Variants in STAG1 observed in about 807,000 individuals in gnomAD.
The protein encoded by STAG1 is cohesin subunit SA-1.
Under a neutral mutation model 170.9 loss-of-function variants are expected in STAG1, and 26 were observed. That is an observed-to-expected ratio of 0.15 (90% CI 0.11 to 0.21). STAG1 has a LOEUF of 0.21. Among genes scored for constraint, STAG1 ranks in the 10% least tolerant of loss-of-function variants. STAG1 has a pLI of 1.00. For missense variants in STAG1, 964 were observed against 1,509.5 expected, an observed-to-expected ratio of 0.64 and a Z score of 5.99; for synonymous variants, 514 against 497.7, an observed-to-expected ratio of 1.03 and a Z score of -0.44.
At chr3:136,608,771 T>C (rs1576662295) in intron 3 of STAG1, among the ~76,000 whole-genome samples, 1 of 129,358 alleles carries the variant, frequency 7.7e-6, no homozygotes, top group South Asian at 2.4e-4. Flanking sequence ...AGCACTGTAC[T>C]CCTGAATGAC....
chr3:136,367,245 G>C (rs1937109826), intron 24 of STAG1, among the ~76,000 whole-genome samples, 163 bp from the exon 25 acceptor site: 1 of 152,106 alleles, frequency 6.6e-6, no homozygotes. Flanking sequence ...ATTTTAGGGT[G>C]CTGTATTTAG....
At chr3:136,638,779 G>A (rs1361192746) in intron 1 of STAG1, among the ~76,000 whole-genome samples, 4 of 152,124 alleles carry the variant, frequency 2.6e-5, no homozygotes, top group South Asian at 2.1e-4. Flanking sequence ...GCATGCGCCC[G>A]TAATCCTAAC....
At chr3:136,368,971 G>A in intron 24 of STAG1, 137 bp downstream of exon 24, 3 of 661,644 alleles carry the variant, frequency 4.5e-6, no homozygotes, top group Non-Finnish European at 6.9e-6. Flanking sequence ...GATTACTGGT[G>A]TCAGCCACTG....
intron 4 of STAG1, chr3:136,586,687 C>G (rs57681357): frequency 0.13 from 38,506 of 295,844 alleles, 4,595 homozygotes; most frequent in African/African-American, 0.4. Flanking sequence ...TAAACAAAAG[C>G]AAAATATTTA....
intron 4 of STAG1, among the ~76,000 whole-genome samples, chr3:136,587,963 CA>C (rs879515650): frequency 6.6e-6 from 1 of 151,054 alleles, no homozygotes; most frequent in Non-Finnish European, 1.5e-5. Context: ...AAGTTTATCT[CA>C]AAAAAAACAA....
chr3:136,564,913 T>G (rs1213953841), intron 5 of STAG1, among the ~76,000 whole-genome samples: 2 of 149,470 alleles, frequency 1.3e-5, no homozygotes, highest in South Asian at 2.1e-4. Context: ...TAGAGGTAAA[T>G]CTTCATGACC....
At chr3:136,477,530 A>C (rs1328208101) in intron 9 of STAG1, 118 bp from the exon 10 acceptor site, 2 of 867,928 alleles carry the variant, frequency 2.3e-6, no homozygotes. Context: ...TGCATTCTGA[A>C]TGGCCTCCAA....
chr3:136,420,395 GC>G (rs1208035589), intron 20 of STAG1, among the ~76,000 whole-genome samples: 1 of 151,962 alleles, frequency 6.6e-6, no homozygotes, highest in Non-Finnish European at 1.5e-5. Context: ...GATAGGGTCT[GC>G]CTATTGCCCA....
chr3:136,343,219 T>C (rs1403985002), intron 30 of STAG1, among the ~76,000 whole-genome samples: 2 of 152,222 alleles, frequency 1.3e-5, no homozygotes, highest in African/African-American at 4.8e-5. Context: ...AATAAGATTT[T>C]TATAAGCAAA....
intron 1 of STAG1, among the ~76,000 whole-genome samples, chr3:136,741,290 G>A (rs574319784): frequency 6.4e-4 from 98 of 152,306 alleles, no homozygotes; most frequent in African/African-American, 2.0e-3. Context: ...ACAGTGCATC[G>A]TTCTTCATCT....
chr3:136,542,494 T>C (rs1576588265), intron 5 of STAG1, among the ~76,000 whole-genome samples: 1 of 152,076 alleles, frequency 6.6e-6, no homozygotes, highest in South Asian at 2.1e-4. Context: ...AAATTGCTGA[T>C]AAAAGTATAT....
intron 29 of STAG1, among the ~76,000 whole-genome samples, chr3:136,346,065 T>TCTA (rs1336617217): frequency 9.2e-5 from 14 of 152,258 alleles, no homozygotes; most frequent in Admixed American, 3.9e-4. Context: ...CTGTCAGCTG[T>TCTA]CTACTACATG....
intron 4 of STAG1, among the ~76,000 whole-genome samples, chr3:136,590,999 T>G (rs1057297474): frequency 2.0e-5 from 3 of 151,680 alleles, no homozygotes; most frequent in Non-Finnish European, 4.4e-5. Flanking sequence ...GTTTTGTTTT[T>G]TTTTGCATAA....
Position 136,736,589 on chromosome 3 carries a change from G to C in STAG1, c.-84+15606C>G, listed in dbSNP as rs1029576522. On this transcript the variant is annotated intron_variant, in intron 1 of 33. Transcript: ENST00000383202. ...TTGTATTGGCTTGGAAGTTTCGCCA[G>C]CTGTCCACACAACCATCTCGACTTT... 1.9e-5 allele frequency: 30 copies of C among 1,552,164 alleles called. No individual in the cohort carries two copies. The East Asian group carries it at 4.3e-4, about 22-fold the overall frequency.
chr3:136,465,766 G>C (rs2089437467), intron 12 of STAG1, among the ~76,000 whole-genome samples: 1 of 151,864 alleles, frequency 6.6e-6, no homozygotes, highest in African/African-American at 2.4e-5. Context: ...CAATAACCAA[G>C]CAGAAAATAC....
intron 5 of STAG1, among the ~76,000 whole-genome samples, chr3:136,555,263 G>A (rs1481809650): frequency 6.6e-6 from 1 of 151,768 alleles, no homozygotes; most frequent in Non-Finnish European, 1.5e-5. Context: ...TGTAGTCCTA[G>A]CTACCTGGGA....
intron 1 of STAG1, among the ~76,000 whole-genome samples, chr3:136,724,718 G>T (rs1933560795): frequency 3.3e-5 from 5 of 152,042 alleles, no homozygotes. Context: ...AAGTCAGAAA[G>T]ATGAAGTGAT....
chr3:136,486,646 G>A (rs1341851005), intron 9 of STAG1, among the ~76,000 whole-genome samples: 1 of 152,080 alleles, frequency 6.6e-6, no homozygotes, highest in Non-Finnish European at 1.5e-5. Context: ...AAAGTCAATA[G>A]GTACAGCATG....
chr3:136,704,374 A>G (rs992867774), intron 1 of STAG1, among the ~76,000 whole-genome samples: 1 of 152,060 alleles, frequency 6.6e-6, no homozygotes, highest in African/African-American at 2.4e-5. Context: ...AGATGCAACT[A>G]TATGCTAGTT....
Sources: allele counts gnomAD v4.1 joint callset (sites outside exome capture counted in the v4.1 genomes callset), GRCh38; gene constraint gnomAD v4.1.1; transcripts MANE v1.5; gene names NCBI Gene and HGNC (gene_info 2026-07-23, HGNC 2026-07-21).